The following USP46 variants were observed in gnomAD, a reference collection of about 807,000 sequenced individuals.
The protein encoded by USP46 is ubiquitin carboxyl-terminal hydrolase 46.
A neutral mutation model predicts 44.4 loss-of-function variants in USP46; 12 were observed. The observed-to-expected ratio is 0.27, with a 90% CI of 0.17 to 0.44. The LOEUF (loss-of-function observed/expected upper bound fraction) is 0.44, where lower values mean the gene tolerates loss of function less well. Ranked by LOEUF, USP46 falls within the 20% of genes least tolerant of loss-of-function variation. The probability of loss-of-function intolerance (pLI) is 1.00; values close to 1 mark genes in which losing one functional copy is unlikely to be tolerated. For synonymous variants in USP46, 155 were observed against 161.5 expected, an observed-to-expected ratio of 0.96 and a Z score of 0.31; for missense variants, 248 against 444.8, an observed-to-expected ratio of 0.56 and a Z score of 3.98.
intron 5 of USP46, 34 bp from the exon 6 acceptor site, chr4:52,604,618 G>C (rs763941432): frequency 6.9e-7 from 1 of 1,458,926 alleles, no homozygotes. Flanking sequence ...TTTAAAAAAT[G>C]TCCAAATCTA....
In USP46 at chr4:52,594,850, G is replaced by A. The variant is rs1716161954; in HGVS notation, c.*2790C>T. ...TTCAAACTAATGCCCTGCTTGTGTT[G>A]TGCCTCACTCTCTTTAGACCAGTCC... On this transcript the variant is annotated 3_prime_UTR_variant, in exon 9 of 9. Transcript: ENST00000441222. The A allele has an allele frequency of 6.6e-6, 1 of 152,160 alleles. No homozygotes were observed. Among genetic ancestry groups the A allele is most frequent in the Non-Finnish European group, 1.5e-5 (1 of 68,034 alleles). 9.4% of individuals were successfully genotyped at this position (152,160 alleles called of 1,614,324 possible).
chr4:52,656,249 G>A (rs1296275685), intron 1 of USP46: 2 of 1,538,806 alleles, frequency 1.3e-6, no homozygotes, highest in Middle Eastern at 1.9e-4. Flanking sequence ...TCAGTAAGAG[G>A]CCCACAGAGG....
Position 52,659,297 on chromosome 4 carries a change from A to T in USP46, c.-147T>A. ...GTTTGGCTGGGAGAGGGAGGCCGGG[A>T]GGAGGAGGCGGCGGCGCGGGGAGGG... On this transcript the variant is annotated 5_prime_UTR_variant, in exon 1 of 9. Transcript: ENST00000441222. This position sits in a 1 kb window ranked among gnomAD's most constrained non-coding sequence, Gnocchi z 4.2. The T allele has an allele frequency of 1.3e-5, 4 of 306,332 alleles. No homozygotes were observed. Among genetic ancestry groups the T allele is most frequent in the East Asian group, 1.8e-4 (1 of 5,446 alleles). 19.0% of individuals were successfully genotyped at this position (306,332 alleles called of 1,614,324 possible).
At chr4:52,636,102 T>C (rs1718105812) in intron 1 of USP46, among the ~76,000 whole-genome samples, 1 of 152,162 alleles carries the variant, frequency 6.6e-6, no homozygotes, top group South Asian at 2.1e-4. Flanking sequence ...ATAGGGAGAT[T>C]GTCCTGGATT....
intron 5 of USP46, among the ~76,000 whole-genome samples, chr4:52,605,422 T>C (rs570480210): frequency 1.3e-5 from 2 of 152,248 alleles, no homozygotes; most frequent in Non-Finnish European, 2.9e-5. Context: ...AAAGAACATC[T>C]GGACTAATAC....
At chr4:52,657,109 C>T (rs529668908) in intron 1 of USP46, among the ~76,000 whole-genome samples, 1 of 151,346 alleles carries the variant, frequency 6.6e-6, no homozygotes, top group East Asian at 2.0e-4. Flanking sequence ...AACCCAAACT[C>T]TGTCACTCTC....
chr4:52,597,820 A>G (rs1439382072), intron 8 of USP46, 79 bp from the exon 9 acceptor site: 3 of 1,026,804 alleles, frequency 2.9e-6, no homozygotes, highest in Non-Finnish European at 4.2e-6. Flanking sequence ...AATGGAATAT[A>G]TATTAAAATG....
rs569636246 is a variant in USP46 at position 52,599,538 on chromosome 4, G to A, written c.921-832C>T. Among the ~76,000 whole-genome samples, 29 of 152,172 alleles carry A rather than the reference G, an allele frequency of 1.9e-4. No individual in the cohort carries two copies. The South Asian group carries it at 5.0e-3, about 26-fold the overall frequency. On this transcript the variant is annotated intron_variant, in intron 7 of 8. Coordinates refer to ENST00000441222, the MANE Select transcript of USP46 (RefSeq NM_022832.4). ...AATGGGGAATTTTAAGGAGTTGTATGATCTATGCTTTAGAAAGACATTAAT... is the reference window on the plus strand; with the variant it reads ...AATGGGGAATTTTAAGGAGTTGTATAATCTATGCTTTAGAAAGACATTAAT...
At chr4:52,613,584 C>A (rs776615063) in intron 4 of USP46, among the ~76,000 whole-genome samples, 5 of 151,536 alleles carry the variant, frequency 3.3e-5, no homozygotes, top group Non-Finnish European at 7.4e-5. Context: ...TAGCTGGGTG[C>A]GGTGGCAGGC....
chr4:52,657,557 T>A (rs930441253), intron 1 of USP46, among the ~76,000 whole-genome samples: 1 of 151,954 alleles, frequency 6.6e-6, no homozygotes, highest in Non-Finnish European at 1.5e-5. Context: ...CCAACAGACA[T>A]AAAAGAGTAT....
chr4:52,613,679 G>A (rs1339944220), intron 4 of USP46, among the ~76,000 whole-genome samples: 7 of 147,186 alleles, frequency 4.8e-5, no homozygotes, highest in South Asian at 2.1e-4. Context: ...CCGAGATCTC[G>A]CCACTGCACT....
intron 1 of USP46, among the ~76,000 whole-genome samples, chr4:52,646,181 C>A (rs1718544324): frequency 6.6e-6 from 1 of 152,172 alleles, no homozygotes; most frequent in African/African-American, 2.4e-5. Context: ...AGCTCAAGGT[C>A]TTCATCAGTG....
chr4:52,625,726 T>C (rs930954264), intron 4 of USP46, among the ~76,000 whole-genome samples: 13 of 152,146 alleles, frequency 8.5e-5, no homozygotes, highest in Admixed American at 2.6e-4. Flanking sequence ...AGGTAACTGG[T>C]TGACATCCAA....
rs976941625 is a variant in USP46, at chr4:52,659,179, C to G, written c.-29G>C. ...TCTAAAGGTTGCAGCGATCCCTCAC[C>G]GCCATCTTTACAAGGGGAAACCGGG... On this transcript the variant is annotated 5_prime_UTR_variant, in exon 1 of 9. Transcript: ENST00000441222. This position sits in a 1 kb window ranked among gnomAD's most constrained non-coding sequence, Gnocchi z 4.2. 6.5e-7 allele frequency: 1 copy of G among 1,542,024 alleles called. No homozygotes were observed. Among genetic ancestry groups the G allele is most frequent in the Admixed American group, 1.9e-5 (1 of 51,730 alleles).
In USP46 at chr4:52,604,387, T is replaced by A. The variant is rs1716594428; in HGVS notation, c.722+114A>T. 7 of 817,094 alleles carry A rather than the reference T, an allele frequency of 8.6e-6. No homozygotes were observed. The East Asian group carries it at 1.9e-4, about 22-fold the overall frequency. The allele number at this position is 817,094 out of a possible 1,614,324, so 50.6% of individuals were successfully genotyped here. ...GGAGGATAACTGACTTCCCCAAGGC[T>A]CCATGGCTACAAGCCCAGGTAGCTG... On this transcript the variant is annotated intron_variant, in intron 6 of 8. Coordinates refer to ENST00000441222, the MANE Select transcript of USP46 (RefSeq NM_022832.4).
chr4:52,604,392 GGCTA>G (rs1218787277), intron 6 of USP46, 105 bp downstream of exon 6: 1 of 859,902 alleles, frequency 1.2e-6, no homozygotes, highest in Non-Finnish European at 1.8e-6. Flanking sequence ...AAGGCTCCAT[GGCTA>G]CAAGCCCAGG....
At position 52,650,284 on chromosome 4, in the gene USP46, C is replaced by T. The variant is rs183104869; in HGVS notation, c.36+8831G>A. On this transcript the variant is annotated intron_variant, in intron 1 of 8. Transcript: ENST00000441222. ...ACAGAGCAGTCAGAATGAATAAACT[C>T]GACCTCTATGTGTTGACATAATCTC... 2.3e-3 allele frequency among the ~76,000 whole-genome samples: 353 copies of T among 152,312 alleles called. 1 individual carries two copies. Among genetic ancestry groups the T allele is most frequent in the African/African-American group, 7.8e-3 (324 of 41,570 alleles).
At chr4:52,644,113 C>A (rs556049205) in intron 1 of USP46, among the ~76,000 whole-genome samples, 1 of 152,274 alleles carries the variant, frequency 6.6e-6, no homozygotes, top group South Asian at 2.1e-4. Context: ...TCCCACTGAG[C>A]AATACTGAAT....
chr4:52,628,236 T>C, intron 2 of USP46, 73 bp from the exon 3 acceptor site: 1 of 1,484,840 alleles, frequency 6.7e-7, no homozygotes, highest in Non-Finnish European at 9.2e-7. Context: ...GTGGTGAGGG[T>C]GAGAAGGTCC....
Sources: allele counts gnomAD v4.1 joint callset (sites outside exome capture counted in the v4.1 genomes callset), GRCh38; gene constraint gnomAD v4.1.1; non-coding constraint Gnocchi (gnomAD v3.1); transcripts MANE v1.5; gene names NCBI Gene and HGNC (gene_info 2026-07-23, HGNC 2026-07-21).